The following CDH13 variants were observed in gnomAD, a reference collection of about 807,000 sequenced individuals.
CDH13 encodes the protein cadherin-13.
CDH13 carries 24 observed loss-of-function variants against 63.8 expected under a neutral mutation model. That is an observed-to-expected ratio of 0.38 (90% confidence interval 0.27 to 0.53). The LOEUF is 0.53. Among genes scored for constraint, CDH13 ranks in the 20% least tolerant of loss-of-function variants. CDH13 has a pLI of 0.85. For missense variants in CDH13, 1,049 were observed against 903.1 expected (o/e 1.16, Z -2.07); for synonymous variants, 503 against 355.3 (o/e 1.42, Z -4.67).
intron 2 of CDH13, among the ~76,000 whole-genome samples, chr16:82,909,453 C>T (rs571460417): frequency 1.3e-4 from 20 of 152,132 alleles, no homozygotes; most frequent in East Asian, 9.6e-4. Context: ...TTCTTTGGTA[C>T]GGACATTGTA....
intron 2 of CDH13, among the ~76,000 whole-genome samples, chr16:82,877,096 C>T (rs973809689): frequency 6.6e-6 from 1 of 152,084 alleles, no homozygotes; most frequent in Non-Finnish European, 1.5e-5. Flanking sequence ...CAGCAACATT[C>T]CAGAAGATGG....
At chr16:83,486,102 C>T (rs1311874918) in intron 6 of CDH13, among the ~76,000 whole-genome samples, 4 of 151,950 alleles carry the variant, frequency 2.6e-5, no homozygotes, top group Non-Finnish European at 4.4e-5. Context: ...AAGATCACGC[C>T]GCTGCACTCC....
At chr16:82,859,412 G>T (rs2039838717) in intron 2 of CDH13, 1 of 152,164 alleles carries the variant, frequency 6.6e-6, no homozygotes, top group South Asian at 2.1e-4. Context: ...ACAAAACTTA[G>T]CTGGGCATGG....
At chr16:82,902,896 G>T (rs1311995853) in intron 2 of CDH13, among the ~76,000 whole-genome samples, 3 of 152,180 alleles carry the variant, frequency 2.0e-5, no homozygotes, top group Non-Finnish European at 4.4e-5. Flanking sequence ...AGTATGGAAA[G>T]GGCGAAGTCT....
At chr16:82,703,059 T>G (rs543160228) in intron 1 of CDH13, among the ~76,000 whole-genome samples, 5 of 152,312 alleles carry the variant, frequency 3.3e-5, no homozygotes, top group African/African-American at 1.2e-4. Flanking sequence ...CATGAATGCT[T>G]GCAAACATGC....
intron 4 of CDH13, among the ~76,000 whole-genome samples, chr16:83,173,224 G>A (rs893161046): frequency 6.6e-6 from 1 of 152,112 alleles, no homozygotes; most frequent in Non-Finnish European, 1.5e-5. Context: ...CACTCTGCTG[G>A]TTGTGAATCC....
chr16:82,633,135 C>A (rs1473945674), intron 1 of CDH13, among the ~76,000 whole-genome samples: 1 of 152,210 alleles, frequency 6.6e-6, no homozygotes, highest in Non-Finnish European at 1.5e-5. Context: ...TGGACTGGTA[C>A]TGGCCTGTGG....
At chr16:83,130,250 C>T (rs902719466) in intron 4 of CDH13, among the ~76,000 whole-genome samples, 1 of 152,140 alleles carries the variant, frequency 6.6e-6, no homozygotes. Flanking sequence ...GATCATTTTC[C>T]AGCATGCCAA....
chr16:83,567,440 G>C (rs1904292651), intron 7 of CDH13, among the ~76,000 whole-genome samples: 1 of 152,198 alleles, frequency 6.6e-6, no homozygotes, highest in Non-Finnish European at 1.5e-5. Context: ...GGGAAACTGA[G>C]TCACAAGAAG....
chr16:83,465,989 T>C (rs375000190), intron 6 of CDH13, among the ~76,000 whole-genome samples: 4 of 152,172 alleles, frequency 2.6e-5, no homozygotes, highest in East Asian at 1.9e-4. Context: ...GGAGGAGAAG[T>C]CTCTTCTGCT....
chr16:82,679,248 G>A (rs1167403887), intron 1 of CDH13, among the ~76,000 whole-genome samples: 1 of 152,184 alleles, frequency 6.6e-6, no homozygotes, highest in East Asian at 1.9e-4. Flanking sequence ...GTATAGCTGA[G>A]GCCAGGTGCT....
At chr16:83,495,721 A>G (rs778492846) in intron 7 of CDH13, among the ~76,000 whole-genome samples, 1 of 152,198 alleles carries the variant, frequency 6.6e-6, no homozygotes, top group African/African-American at 2.4e-5. Flanking sequence ...AAGCCACATT[A>G]TGTAGGGTTA....
At chr16:83,189,578 T>G (rs2038632906) in intron 4 of CDH13, among the ~76,000 whole-genome samples, 1 of 152,154 alleles carries the variant, frequency 6.6e-6, no homozygotes, top group African/African-American at 2.4e-5. Flanking sequence ...AATCCAAAGG[T>G]GCATCTGGCT....
At chr16:83,249,720 C>G (rs540974271) in intron 5 of CDH13, among the ~76,000 whole-genome samples, 6 of 152,264 alleles carry the variant, frequency 3.9e-5, no homozygotes, top group Admixed American at 2.0e-4. Context: ...CAATTCATGT[C>G]CATTCTAAGA....
At position 82,821,752 on chromosome 16, in the gene CDH13, C is replaced by A. The variant is rs189439420; in HGVS notation, c.46-36610C>A. ...GGGGACTGGGGATGGTCATTGAGGG[C>A]TCCCCTAAAAATAAATACTTGCTCT... On this transcript the variant is annotated intron_variant, in intron 1 of 13. Transcript: ENST00000567109. Among the ~76,000 whole-genome samples the A allele has an allele frequency of 1.2e-4, 19 of 152,280 alleles. No individual in the cohort carries two copies. The Middle Eastern group carries it at 0.01, about 82-fold the overall frequency.
At chr16:83,163,124 C>T (rs2037516543) in intron 4 of CDH13, among the ~76,000 whole-genome samples, 1 of 152,136 alleles carries the variant, frequency 6.6e-6, no homozygotes, top group African/African-American at 2.4e-5. Context: ...CACAAGTTCT[C>T]TTCTCTTATC....
At chr16:83,293,758 G>A (rs1256189797) in intron 5 of CDH13, among the ~76,000 whole-genome samples, 1 of 152,320 alleles carries the variant, frequency 6.6e-6, no homozygotes, top group South Asian at 2.1e-4. Flanking sequence ...GGGTTGGAAA[G>A]TATTAAAAAC....
chr16:82,704,307 T>C (rs2031299136), intron 1 of CDH13, among the ~76,000 whole-genome samples: 1 of 152,216 alleles, frequency 6.6e-6, no homozygotes, highest in South Asian at 2.1e-4. Context: ...TGTTACAGAA[T>C]GAATCATTAA....
intron 2 of CDH13, among the ~76,000 whole-genome samples, chr16:83,015,677 G>GTATGTATATATA (rs1555562893): frequency 8.0e-5 from 3 of 37,568 alleles, no homozygotes; most frequent in African/African-American, 2.6e-4. Context: ...GTGTGTGTAT[G>GTATGTATATATA]TATATATATA....
Sources: allele counts gnomAD v4.1 joint callset (sites outside exome capture counted in the v4.1 genomes callset), GRCh38; gene constraint gnomAD v4.1.1; transcripts MANE v1.5; gene names NCBI Gene and HGNC (gene_info 2026-07-23, HGNC 2026-07-21).